GALNT17: variants seen among roughly 807,000 people sequenced by gnomAD.
GALNT17 encodes polypeptide N-acetylgalactosaminyltransferase 17.
A neutral mutation model predicts 63.7 loss-of-function variants in GALNT17; 29 were observed. The ratio of observed to expected loss-of-function variants is 0.46; its 90% CI spans 0.34 to 0.62. The LOEUF (loss-of-function observed/expected upper bound fraction) is 0.62. Ranked by LOEUF, GALNT17 falls within the 20% of genes least tolerant of loss-of-function variation. The pLI is 0.01. For synonymous variants in GALNT17, 305 were observed against 318.3 expected (o/e 0.96, Z 0.45); for missense variants, 603 against 799.6 (o/e 0.75, Z 2.97).
chr7:71,417,948 G>A (rs1439231912), intron 4 of GALNT17, among the ~76,000 whole-genome samples: 2 of 152,042 alleles, frequency 1.3e-5, no homozygotes, highest in Non-Finnish European at 2.9e-5. Context: ...TCCTAGCTTG[G>A]TTCTTTCTTG....
Position 71,377,114 on chromosome 7 carries a change from A to AAAAAAAATATATATATATATAT in GALNT17, c.423-11120_423-11119insAAAAAATATATATATATATATA. The stretch of plus-strand genomic sequence containing the variant: ...AAAAAAAAAAAATAAAAATAAAAAA[A>AAAAAAAATATATATATATATAT]ATATATATATATATATATATATATA... On this transcript the variant is annotated intron_variant, in intron 2 of 10. Coordinates refer to ENST00000333538, the MANE Select transcript of GALNT17 (RefSeq NM_022479.3). 1.7e-4 allele frequency among the ~76,000 whole-genome samples: 10 copies of AAAAAAAATATATATATATATAT among 57,460 alleles called. 1 individual carries two copies. Among genetic ancestry groups the AAAAAAAATATATATATATATAT allele is most frequent in the Admixed American group, 5.0e-4 (2 of 3,988 alleles). 37.7% of individuals were successfully genotyped at this position (57,460 alleles called of 152,430 possible). A position where few individuals can be genotyped will look rare whatever the true frequency, so the allele number is the denominator to read the frequency against.
At chr7:71,578,812 G>A (rs940614860) in intron 6 of GALNT17, among the ~76,000 whole-genome samples, 7 of 151,990 alleles carry the variant, frequency 4.6e-5, no homozygotes, top group Admixed American at 3.3e-4. Flanking sequence ...CCTGATCCCC[G>A]CCCTAGCCAC....
At chr7:71,456,867 G>A (rs2116567894) in intron 5 of GALNT17, among the ~76,000 whole-genome samples, 1 of 152,230 alleles carries the variant, frequency 6.6e-6, no homozygotes, top group East Asian at 1.9e-4. Flanking sequence ...TACATTTTAG[G>A]GAGATGGAGA....
chr7:71,154,787 A>G (rs1788203218), intron 1 of GALNT17, among the ~76,000 whole-genome samples: 5 of 151,224 alleles, frequency 3.3e-5, no homozygotes, highest in Admixed American at 3.3e-4. Context: ...TGTCTTAGCC[A>G]GGATGGTCTC....
In GALNT17 at chr7:71,326,925, A is replaced by T. The variant is rs531233143; in HGVS notation, c.239-8625A>T. On this transcript the variant is annotated intron_variant, in intron 1 of 10. Transcript: ENST00000333538. ...AGAGATTCTCTTCTTTGTGACCATA[A>T]ATATACTACAATATTTAATATATTC... Among the ~76,000 whole-genome samples the T allele has an allele frequency of 5.3e-5, 8 of 152,280 alleles. No individual in the cohort carries two copies. The South Asian group carries it at 1.7e-3, about 32-fold the overall frequency.
chr7:71,382,105 C>T (rs764868627), intron 2 of GALNT17, among the ~76,000 whole-genome samples: 2 of 151,952 alleles, frequency 1.3e-5, no homozygotes, highest in African/African-American at 2.4e-5. Context: ...AATGGCTAGG[C>T]GTGGTGGCTC....
At chr7:71,360,350 G>C (rs867955083) in intron 2 of GALNT17, among the ~76,000 whole-genome samples, 47 of 152,078 alleles carry the variant, frequency 3.1e-4, no homozygotes, top group African/African-American at 1.1e-3. Flanking sequence ...CTAAATAAAA[G>C]GAAAACATGT....
intron 1 of GALNT17, among the ~76,000 whole-genome samples, chr7:71,139,260 G>A (rs1787841664): frequency 6.6e-6 from 1 of 152,082 alleles, no homozygotes; most frequent in African/African-American, 2.4e-5. Context: ...AGAGATGGAG[G>A]GGTCTGGAGC....
chr7:71,597,318 C>A (rs904110379), intron 6 of GALNT17, among the ~76,000 whole-genome samples: 1 of 152,018 alleles, frequency 6.6e-6, no homozygotes, highest in Non-Finnish European at 1.5e-5. Flanking sequence ...GGATTACAGG[C>A]GTGAGCCACC....
chr7:71,528,015 C>G (rs1053353133), intron 5 of GALNT17, among the ~76,000 whole-genome samples: 22 of 152,306 alleles, frequency 1.4e-4, no homozygotes, highest in African/African-American at 5.1e-4. Context: ...CCCAAAGGGT[C>G]TTGGCAAGCA....
Position 71,414,548 on chromosome 7 carries a change from C to A in GALNT17, c.590-1341C>A, listed in dbSNP as rs114874631. ...ACTTTCTTTTGCCAACCTTGCCAATCCCTACCCATATATCTTCCCTGAAGT... is the reference window on the plus strand; with the variant it reads ...ACTTTCTTTTGCCAACCTTGCCAATACCTACCCATATATCTTCCCTGAAGT... On this transcript the variant is annotated intron_variant, in intron 3 of 10. Transcript: ENST00000333538. 3.7e-3 allele frequency among the ~76,000 whole-genome samples: 562 copies of A among 152,238 alleles called. 3 individuals carry two copies. The highest frequency in any genetic ancestry group is 0.013 in the African/African-American group (540 of 41,536).
intron 3 of GALNT17, among the ~76,000 whole-genome samples, chr7:71,401,320 C>T (rs1436972213): frequency 1.3e-5 from 2 of 152,134 alleles, no homozygotes; most frequent in African/African-American, 2.4e-5. Context: ...TGGTCTCGAA[C>T]TTCTGACCTC....
chr7:71,600,213 T>C (rs183950674), intron 6 of GALNT17, among the ~76,000 whole-genome samples: 285 of 150,232 alleles, frequency 1.9e-3, no homozygotes, highest in Middle Eastern at 3.4e-3. Context: ...ATCCATGGTA[T>C]TGAAATTTCA....
chr7:71,332,657 T>A (rs753048171), intron 1 of GALNT17, among the ~76,000 whole-genome samples: 8 of 151,748 alleles, frequency 5.3e-5, no homozygotes, highest in Non-Finnish European at 1.0e-4. Context: ...TCTTAACAAC[T>A]GGTTTGAGTT....
intron 3 of GALNT17, among the ~76,000 whole-genome samples, chr7:71,390,806 CTGAG>C (rs1244086473): frequency 6.6e-6 from 1 of 152,152 alleles, no homozygotes; most frequent in Non-Finnish European, 1.5e-5. Context: ...CCTCTGATCT[CTGAG>C]TGGGGAAGTA....
rs372227990 is a variant in GALNT17 at position 71,400,967 on chromosome 7, A to G, written c.589+12566A>G. On this transcript the variant is annotated intron_variant, in intron 3 of 10. Transcript: ENST00000333538. ...TGGATTTGTCAAGTTCCAACATCCT[A>G]TGGAAATTTACTGTGCCTTTAAAAC... Among the ~76,000 whole-genome samples, 47 of 152,354 alleles carry G rather than the reference A, an allele frequency of 3.1e-4. 4 individuals carry two copies. The highest frequency in any genetic ancestry group is 2.9e-3 in the East Asian group (15 of 5,194).
intron 1 of GALNT17, among the ~76,000 whole-genome samples, chr7:71,141,339 C>T (rs560484730): frequency 1.9e-3 from 290 of 151,432 alleles, no homozygotes; most frequent in African/African-American, 6.5e-3. Flanking sequence ...TGCACCGTAG[C>T]CTGGGAGTCT....
At chr7:71,297,170 G>T (rs1242388980) in intron 1 of GALNT17, among the ~76,000 whole-genome samples, 3 of 152,142 alleles carry the variant, frequency 2.0e-5, no homozygotes, top group Non-Finnish European at 4.4e-5. Flanking sequence ...CTCACTCTTG[G>T]CACATGGTAC....
At chr7:71,614,171 G>A (rs1448017017) in intron 6 of GALNT17, among the ~76,000 whole-genome samples, 2 of 152,102 alleles carry the variant, frequency 1.3e-5, no homozygotes, top group African/African-American at 4.8e-5. Context: ...CATTAAGTTG[G>A]ATCAACCCAA....
Sources: gnomAD v4.1 joint callset for allele counts (sites outside exome capture counted in the v4.1 genomes callset) on GRCh38, gnomAD v4.1.1 for gene constraint, MANE v1.5 for transcripts, NCBI Gene and HGNC (gene_info 2026-07-23, HGNC 2026-07-21) for gene names.